NPAS3: variants seen among roughly 807,000 people sequenced by gnomAD.
NPAS3 encodes neuronal PAS domain protein 3, also known as neuronal PAS domain-containing protein 3.
In NPAS3, 14 loss-of-function variants were observed where a neutral mutation model predicts 73.1. That is an observed-to-expected ratio of 0.19 (90% CI 0.13 to 0.30). The LOEUF (loss-of-function observed/expected upper bound fraction) is 0.30. NPAS3 is among the 10% of genes least tolerant of loss of function. The probability of loss-of-function intolerance (pLI) is 1.00; values close to 1 mark genes in which losing one functional copy is unlikely to be tolerated. For missense variants in NPAS3, 1,096 were observed against 1,250.0 expected (o/e 0.88, Z 1.86); for synonymous variants, 620 against 541.5 (o/e 1.14, Z -2.01).
chr14:33,544,346 C>T (rs557197030), intron 4 of NPAS3, among the ~76,000 whole-genome samples: 98 of 152,142 alleles, frequency 6.4e-4, no homozygotes, highest in Non-Finnish European at 1.1e-3. Context: ...ATATGTGTGC[C>T]ATAGACTAAA....
At chr14:33,549,549 G>A (rs1247394372) in intron 4 of NPAS3, among the ~76,000 whole-genome samples, 1 of 152,108 alleles carries the variant, frequency 6.6e-6, no homozygotes, top group African/African-American at 2.4e-5. Flanking sequence ...CAATCACAGT[G>A]ATTATTTGAT....
intron 4 of NPAS3, among the ~76,000 whole-genome samples, chr14:33,530,142 A>G (rs185400145): frequency 1.1e-3 from 165 of 152,226 alleles, no homozygotes; most frequent in Non-Finnish European, 1.5e-3. Context: ...TTAAACCATC[A>G]TTTTGCTCTT....
chr14:33,735,012 G>A (rs2061487970), intron 6 of NPAS3, among the ~76,000 whole-genome samples: 1 of 152,172 alleles, frequency 6.6e-6, no homozygotes, highest in Non-Finnish European at 1.5e-5. Context: ...AAACTGGAAC[G>A]AGGTGACTCT....
chr14:33,390,991 A>G (rs2046977304), intron 4 of NPAS3, among the ~76,000 whole-genome samples: 1 of 152,134 alleles, frequency 6.6e-6, no homozygotes, highest in Non-Finnish European at 1.5e-5. Context: ...ACCTTGGAAC[A>G]TTGCAGATTT....
intron 2 of NPAS3, among the ~76,000 whole-genome samples, chr14:33,166,097 T>C (rs1331598150): frequency 1.3e-5 from 2 of 152,230 alleles, no homozygotes; most frequent in Non-Finnish European, 2.9e-5. Context: ...GTGCTGTTGA[T>C]AAGCTGTCAG....
At chr14:33,417,040 G>A (rs2048174775) in intron 4 of NPAS3, among the ~76,000 whole-genome samples, 1 of 151,962 alleles carries the variant, frequency 6.6e-6, no homozygotes, top group African/African-American at 2.4e-5. Context: ...GGGAAACGGT[G>A]CTAAAAGTTG....
chr14:33,469,786 C>A (rs1192423177), intron 4 of NPAS3, among the ~76,000 whole-genome samples: 1 of 151,968 alleles, frequency 6.6e-6, no homozygotes, highest in Non-Finnish European at 1.5e-5. Context: ...TGGAAATGCA[C>A]GTGTGAAAGT....
At chr14:33,560,301 A>C in intron 5 of NPAS3, 91 bp downstream of exon 5, 1 of 654,218 alleles carries the variant, frequency 1.5e-6, no homozygotes, top group Non-Finnish European at 2.8e-6. Context: ...TCTGTTTAGC[A>C]TGAATTATCA....
At chr14:33,387,675 T>C (rs1343529647) in intron 4 of NPAS3, among the ~76,000 whole-genome samples, 2 of 152,050 alleles carry the variant, frequency 1.3e-5, no homozygotes, top group African/African-American at 2.4e-5. Flanking sequence ...GGTAAGGCCT[T>C]CCAGTCCCCG....
At chr14:33,567,470 A>G (rs2056014653) in intron 5 of NPAS3, among the ~76,000 whole-genome samples, 1 of 152,222 alleles carries the variant, frequency 6.6e-6, no homozygotes, top group Non-Finnish European at 1.5e-5. Flanking sequence ...GTGTCCTCTC[A>G]GAAGTGGGTG....
intron 7 of NPAS3, among the ~76,000 whole-genome samples, chr14:33,771,824 T>A (rs1282133709): frequency 2.0e-5 from 3 of 150,952 alleles, no homozygotes; most frequent in East Asian, 1.9e-4. Flanking sequence ...AAAAAAAAAA[T>A]TGGCATGTGG....
chr14:33,789,620 G>T, intron 9 of NPAS3, among the ~76,000 whole-genome samples: 1 of 114,864 alleles, frequency 8.7e-6, no homozygotes, highest in Admixed American at 1.0e-4. Context: ...ACGGAGTCTC[G>T]CTCTGTCGCC....
intron 4 of NPAS3, among the ~76,000 whole-genome samples, chr14:33,445,093 C>T (rs1449922047): frequency 6.6e-6 from 1 of 152,202 alleles, no homozygotes; most frequent in Non-Finnish European, 1.5e-5. Flanking sequence ...TTGTTCACAA[C>T]AGACTGTACT....
rs558079600 is a variant in NPAS3 at position 33,785,328 on chromosome 14, A to G, written c.1153+6756A>G. Among the ~76,000 whole-genome samples the G allele has an allele frequency of 4.0e-5, 6 of 150,770 alleles. No homozygotes were observed. The East Asian group carries it at 1.2e-3, about 30-fold the overall frequency. On this transcript the variant is annotated intron_variant, in intron 9 of 11. Transcript: ENST00000356141. ...CAGGTGCCTGTAATCCCAGCTACTCAGGAGGCTGAGACAGGAGAATGGTGT... is the reference window on the plus strand; with the variant it reads ...CAGGTGCCTGTAATCCCAGCTACTCGGGAGGCTGAGACAGGAGAATGGTGT...
chr14:33,360,862 G>A (rs1211744966), intron 3 of NPAS3, among the ~76,000 whole-genome samples: 1 of 152,152 alleles, frequency 6.6e-6, no homozygotes, highest in Non-Finnish European at 1.5e-5. Flanking sequence ...GGCCCAGGCT[G>A]TGGATCACGC....
At chr14:32,937,613 G>A (rs901850574), upstream of NPAS3, among the ~76,000 whole-genome samples, 1 of 152,144 alleles carries the variant, frequency 6.6e-6, no homozygotes, top group African/African-American at 2.4e-5. Flanking sequence ...CCTCTACCAC[G>A]AAAAACATTT....
intron 3 of NPAS3, among the ~76,000 whole-genome samples, chr14:33,336,235 C>T (rs2044220183): frequency 6.6e-6 from 1 of 152,134 alleles, no homozygotes; most frequent in South Asian, 2.1e-4. Flanking sequence ...TCACAGTTTC[C>T]ATGGGTTAGG....
At chr14:33,069,882 G>A (rs2041424125) in intron 2 of NPAS3, among the ~76,000 whole-genome samples, 1 of 152,144 alleles carries the variant, frequency 6.6e-6, no homozygotes, top group African/African-American at 2.4e-5. Flanking sequence ...CTCATAGTAA[G>A]CCTTGTTCTC....
chr14:32,969,151 C>A (rs1010295727), intron 1 of NPAS3, among the ~76,000 whole-genome samples: 1 of 152,114 alleles, frequency 6.6e-6, no homozygotes, highest in African/African-American at 2.4e-5. Context: ...TAGTCTCAGT[C>A]CCTCACCTCC....
Sources: gnomAD v4.1 joint callset for allele counts (sites outside exome capture counted in the v4.1 genomes callset) on GRCh38, gnomAD v4.1.1 for gene constraint, MANE v1.5 for transcripts, NCBI Gene and HGNC (gene_info 2026-07-23, HGNC 2026-07-21) for gene names.